Variants in KDM4B observed in about 807,000 individuals in gnomAD.
KDM4B encodes lysine-specific demethylase 4B.
KDM4B carries 32 observed loss-of-function variants against 125.2 expected under a neutral mutation model. The ratio of observed to expected loss-of-function variants is 0.26; its 90% CI spans 0.19 to 0.34. The LOEUF (loss-of-function observed/expected upper bound fraction) is 0.34. KDM4B is among the 10% of genes least tolerant of loss of function. The pLI, the probability that KDM4B is intolerant of heterozygous loss-of-function variation, is 1.00. For missense variants in KDM4B, 1,190 were observed against 1,577.7 expected (o/e 0.75, Z 4.16); for synonymous variants, 721 against 677.9 (o/e 1.06, Z -0.99).
intron 5 of KDM4B, among the ~76,000 whole-genome samples, chr19:5,043,459 G>A (rs2036898534): frequency 6.9e-6 from 1 of 145,870 alleles, no homozygotes. Context: ...ATCCCGCGCT[G>A]TGTTTATCGG....
At chr19:5,012,990 A>G (rs1374139767) in intron 1 of KDM4B, among the ~76,000 whole-genome samples, 1 of 152,300 alleles carries the variant, frequency 6.6e-6, no homozygotes. Flanking sequence ...TCTATTGCGG[A>G]TGGGGACCAG....
intron 15 of KDM4B, among the ~76,000 whole-genome samples, chr19:5,136,279 C>T (rs925674988): frequency 9.2e-5 from 14 of 152,298 alleles, no homozygotes; most frequent in African/African-American, 2.6e-4. Context: ...TCTCAGGGAC[C>T]CCTCCCCAGT....
In KDM4B at chr19:5,082,316, CT is replaced by C; in HGVS notation, c.781-50del. ...CTGGGAAGTGCCCACGTCCCATCCCCTGGTGCGCCTCTGGTGGCCCTGCCCT... is the reference window on the plus strand; with the variant it reads ...CTGGGAAGTGCCCACGTCCCATCCCCGGTGCGCCTCTGGTGGCCCTGCCCT... On this transcript the variant is annotated intron_variant, in intron 8 of 22. Coordinates refer to ENST00000159111, the MANE Select transcript of KDM4B (RefSeq NM_015015.3). The surrounding 1 kb of genome is among the most constrained non-coding windows in gnomAD (Gnocchi z 5.4). The C allele has an allele frequency of 6.2e-7, 1 of 1,610,204 alleles. No homozygotes were observed. Among genetic ancestry groups the C allele is most frequent in the Non-Finnish European group, 8.5e-7 (1 of 1,178,504 alleles).
intron 1 of KDM4B, among the ~76,000 whole-genome samples, chr19:4,979,038 TGTGGGAGGCTGAG>T (rs757936503): frequency 1.3e-5 from 2 of 152,080 alleles, no homozygotes; most frequent in African/African-American, 2.4e-5. Flanking sequence ...AACCCAGCAC[TGTGGGAGGCTGAG>T]GTGGGAGGAT....
intron 14 of KDM4B, 42 bp from the exon 15 acceptor site, chr19:5,135,297 C>T: frequency 6.9e-7 from 1 of 1,439,282 alleles, no homozygotes; most frequent in South Asian, 1.1e-5. Flanking sequence ...CCGCCTGCCC[C>T]ACACATGGCT....
At chr19:4,979,836 C>T (rs576347461) in intron 1 of KDM4B, among the ~76,000 whole-genome samples, 6 of 152,314 alleles carry the variant, frequency 3.9e-5, no homozygotes, top group Admixed American at 2.6e-4. Flanking sequence ...GGCACAGCGG[C>T]TCATGCCTGC....
chr19:5,019,979 T>G (rs2036050946), intron 2 of KDM4B, among the ~76,000 whole-genome samples: 1 of 140,364 alleles, frequency 7.1e-6, no homozygotes, highest in Non-Finnish European at 1.5e-5. Context: ...CAGGTGTTGG[T>G]GTGGATGTTG....
At position 5,040,018 on chromosome 19, in the gene KDM4B, G is replaced by C. The variant is rs754276893; in HGVS notation, c.317+7G>C. On this transcript the variant is annotated splice_region_variant and intron_variant, in intron 4 of 22. Transcript: ENST00000159111. ...GCCTGGCCAACAGCGAGAAGTACGC[G>C]GGGCGGGCAGGGCGGACCTGACCCC... 1 of 1,606,560 alleles carries C rather than the reference G, an allele frequency of 6.2e-7. No individual in the cohort carries two copies. The highest frequency in any genetic ancestry group is 1.7e-5 in the Admixed American group (1 of 59,756).
chr19:5,022,571 G>A (rs928816900), intron 2 of KDM4B, among the ~76,000 whole-genome samples: 18 of 152,158 alleles, frequency 1.2e-4, no homozygotes, highest in Admixed American at 1.2e-3. Flanking sequence ...AGCAACTGGA[G>A]CCCACTTCCA....
intron 9 of KDM4B, among the ~76,000 whole-genome samples, chr19:5,097,792 C>G (rs1357862901): frequency 2.6e-5 from 4 of 152,224 alleles, no homozygotes; most frequent in Non-Finnish European, 4.4e-5. Context: ...TCCAGAAAGT[C>G]TATGAGTTCT....
rs183195995 is a variant in KDM4B, at chr19:5,035,181, C to T, written c.141+2150C>T. Reference sequence around the variant, plus strand: ...CTATCCCAGGAAAGGCCCAGGTCCTCCTCTTCCTCCTCTCCCTGGTGCACA... The same window carrying T: ...CTATCCCAGGAAAGGCCCAGGTCCTTCTCTTCCTCCTCTCCCTGGTGCACA... On this transcript the variant is annotated intron_variant, in intron 3 of 22. Coordinates refer to ENST00000159111, the MANE Select transcript of KDM4B (RefSeq NM_015015.3). The surrounding 1 kb of genome is among the most constrained non-coding windows in gnomAD (Gnocchi z 5.3). Among the ~76,000 whole-genome samples, 34 of 152,176 alleles carry T rather than the reference C, an allele frequency of 2.2e-4. No individual in the cohort carries two copies. The highest frequency in any genetic ancestry group is 3.7e-4 in the Non-Finnish European group (25 of 68,020).
chr19:5,131,576 GGGGGCA>G, intron 12 of KDM4B, 31 bp downstream of exon 12: 1 of 760,828 alleles, frequency 1.3e-6, no homozygotes. Flanking sequence ...CAGGGAGGAG[GGGGGCA>G]GGTGGGGTGG....
chr19:4,973,824 T>TAAA (rs66494608), intron 1 of KDM4B, among the ~76,000 whole-genome samples: 8 of 132,358 alleles, frequency 6.0e-5, no homozygotes, highest in Non-Finnish European at 3.2e-5. Flanking sequence ...CAAAGCATAT[T>TAAA]AAAAAAAAAA....
intron 3 of KDM4B, among the ~76,000 whole-genome samples, chr19:5,038,840 C>T (rs1287561736): frequency 2.6e-5 from 4 of 152,272 alleles, no homozygotes; most frequent in African/African-American, 9.6e-5. Context: ...CTCACGGCCC[C>T]TGTCCCATGT....
chr19:5,105,407 G>C (rs907275805), intron 9 of KDM4B, among the ~76,000 whole-genome samples: 4 of 152,236 alleles, frequency 2.6e-5, no homozygotes, highest in African/African-American at 9.6e-5. Flanking sequence ...CACTAGAAAA[G>C]TTACTTCATG....
intron 11 of KDM4B, among the ~76,000 whole-genome samples, chr19:5,125,999 A>G (rs759994): frequency 0.12 from 18,044 of 152,256 alleles, 1,381 homozygotes; most frequent in East Asian, 0.28. Flanking sequence ...GCTGCGGGAA[A>G]GATTTCCTAA....
At chr19:5,050,608 G>T (rs1408532440) in intron 6 of KDM4B, among the ~76,000 whole-genome samples, 1 of 152,224 alleles carries the variant, frequency 6.6e-6, no homozygotes, top group Non-Finnish European at 1.5e-5. Context: ...CATAGATCAA[G>T]ACTCTCCTGG....
chr19:5,141,251 CACGCCGGCCTGGCCGGGCA>C lies in KDM4B; in HGVS notation c.2551-2715_2551-2697del, dbSNP rs2039737135. Reference sequence around the variant, plus strand: ...TCGTGGAGTGGAGTGTGCAGTGGGTCACGCCGGCCTGGCCGGGCACGGCCAGGCGATTAGGAAGCCGGCA... The same window carrying C: ...TCGTGGAGTGGAGTGTGCAGTGGGTCCGGCCAGGCGATTAGGAAGCCGGCA... On this transcript the variant is annotated intron_variant, in intron 18 of 22. Coordinates refer to ENST00000159111, the MANE Select transcript of KDM4B (RefSeq NM_015015.3). This position sits in a 1 kb window ranked among gnomAD's most constrained non-coding sequence, Gnocchi z 6.4. The C allele has an allele frequency of 6.6e-6, 1 of 152,130 alleles. No homozygotes were observed. The highest frequency in any genetic ancestry group is 1.5e-5 in the Non-Finnish European group (1 of 68,028). The allele number at this position is 152,130 out of a possible 1,614,324, so 9.4% of individuals were successfully genotyped here.
At chr19:4,984,165 G>A (rs914246087) in intron 1 of KDM4B, among the ~76,000 whole-genome samples, 18 of 152,262 alleles carry the variant, frequency 1.2e-4, no homozygotes, top group African/African-American at 4.1e-4. Flanking sequence ...AAGGCTCCAG[G>A]CCAGCATCCA....
Sources: allele counts gnomAD v4.1 joint callset (sites outside exome capture counted in the v4.1 genomes callset), GRCh38; gene constraint gnomAD v4.1.1; non-coding constraint Gnocchi (gnomAD v3.1); transcripts MANE v1.5; gene names NCBI Gene and HGNC (gene_info 2026-07-23, HGNC 2026-07-21).